HHIP: variants seen among roughly 807,000 people sequenced by gnomAD.
HHIP encodes the protein hedgehog interacting protein.
In HHIP, 12 loss-of-function variants were observed where a neutral mutation model predicts 74.0. The ratio of observed to expected loss-of-function variants is 0.16; its 90% CI spans 0.10 to 0.26. The LOEUF is 0.26. Ranked by LOEUF, HHIP falls within the 10% of genes least tolerant of loss-of-function variation. HHIP has a pLI of 1.00. For missense variants in HHIP, 788 were observed against 845.0 expected, an observed-to-expected ratio of 0.93 and a Z score of 0.84; for synonymous variants, 309 against 311.6, an observed-to-expected ratio of 0.99 and a Z score of 0.09.
rs1048264934 is a variant in HHIP at position 144,743,338 on chromosome 4, C to T, written c.*5381C>T. On this transcript the variant is annotated 3_prime_UTR_variant, in exon 13 of 13. Transcript: ENST00000296575. ...GAACCTAAGGCATACCCATCATTTA[C>T]CTTGATTCCCATATAATTTGTATAA... 6 of 151,514 alleles carry T rather than the reference C, an allele frequency of 4.0e-5. No homozygotes were observed. The highest frequency in any genetic ancestry group is 1.5e-4 in the African/African-American group (6 of 41,266). The allele number at this position is 151,514 out of a possible 1,614,324, so 9.4% of individuals were successfully genotyped here.
chr4:144,701,231 G>C (rs1042759287), intron 4 of HHIP, among the ~76,000 whole-genome samples: 8 of 151,854 alleles, frequency 5.3e-5, no homozygotes, highest in African/African-American at 1.9e-4. Flanking sequence ...CTTGTGTCAT[G>C]TACATAAAAT....
chr4:144,734,835 C>T lies in HHIP; in HGVS notation c.1855C>T (p.Pro619Ser), dbSNP rs34017247. 13 of 1,612,854 alleles carry T rather than the reference C, an allele frequency of 8.1e-6. No homozygotes were observed. The highest frequency in any genetic ancestry group is 1.0e-5 in the Non-Finnish European group (12 of 1,179,068). The part of the protein sequence containing the change: ...SRLCRNGYCT[P>S]TGKCCCSPGW... ...GCTCTGTCGAAACGGCTACTGCACC[C>T]CCACGGGAAAGTGCTGCTGCAGTCC... Residue 619 changes from proline to serine, a missense_variant, in exon 12 of 13, where the codon CCC becomes TCC. Pro to Ser is a moderately conservative substitution (Grantham distance 74). Coordinates refer to ENST00000296575, the MANE Select transcript of HHIP (RefSeq NM_022475.3).
chr4:144,737,524 C>T (rs189804983), intron 12 of HHIP, among the ~76,000 whole-genome samples: 10 of 152,356 alleles, frequency 6.6e-5, no homozygotes, highest in Admixed American at 2.0e-4. Flanking sequence ...AATTGTTTCT[C>T]ATGATCTCTG....
chr4:144,650,946 T>C (rs1176228073), intron 1 of HHIP: 1 of 152,072 alleles, frequency 6.6e-6, no homozygotes, highest in African/African-American at 2.4e-5. Context: ...ATAATCTCCA[T>C]AAAACCAAAG....
intron 11 of HHIP, 66 bp downstream of exon 11, chr4:144,719,022 A>G: frequency 1.0e-6 from 1 of 957,928 alleles, no homozygotes; most frequent in Non-Finnish European, 1.7e-6. Context: ...AGTTCATTCA[A>G]TTAATGATAG....
At chr4:144,673,936 G>A (rs906284324) in intron 4 of HHIP, among the ~76,000 whole-genome samples, 6 of 152,188 alleles carry the variant, frequency 3.9e-5, no homozygotes, top group African/African-American at 1.4e-4. Flanking sequence ...ATCTATGGAA[G>A]TTAATTTGGT....
Position 144,646,941 on chromosome 4 carries a change from G to A in HHIP, c.266G>A (p.Arg89His). The change falls in exon 1 of 13, where the codon CGC (arginine) becomes CAC (histidine). Residue 89 changes from arginine (R) to histidine (H), a missense_variant. This residue lies in a region of HHIP where 373 missense variants were observed against 366.4 expected (regional missense o/e 1.02). Transcript: ENST00000296575. ...CGGAGTGACAGCCCGGGGCTAGGGC[G>A]CCTGGAGAATAAGGTAGGCACTCAC... Reference protein sequence around the residue: ...CLRSDSPGLGRLENKIFSVTN... With the variant: ...CLRSDSPGLGHLENKIFSVTN... The A allele has an allele frequency of 6.2e-7, 1 of 1,609,038 alleles. No individual in the cohort carries two copies. Among genetic ancestry groups the A allele is most frequent in the East Asian group, 2.2e-5 (1 of 44,818 alleles).
At chr4:144,655,218 C>T (rs1314165375) in intron 2 of HHIP, among the ~76,000 whole-genome samples, 1 of 152,134 alleles carries the variant, frequency 6.6e-6, no homozygotes, top group Non-Finnish European at 1.5e-5. Flanking sequence ...TGAGTATATA[C>T]TAGAGTTTTA....
At position 144,670,785 on chromosome 4, in the gene HHIP, A is replaced by G. The variant is rs200638324; in HGVS notation, c.831+10947A>G. Among the ~76,000 whole-genome samples, 760 of 138,988 alleles carry G rather than the reference A, an allele frequency of 5.5e-3. 4 individuals carry two copies. Among genetic ancestry groups the G allele is most frequent in the African/African-American group, 0.012 (468 of 37,964 alleles). 91.2% of individuals were successfully genotyped at this position (138,988 alleles called of 152,430 possible). ...ATTTGAAAAAAAAAAAAAAAAAAAA[A>G]AAAGAAAGAAAGAAAGTGCTAGTCT... On this transcript the variant is annotated intron_variant, in intron 4 of 12. Transcript: ENST00000296575.
At position 144,706,624 on chromosome 4, in the gene HHIP, C is replaced by T. The variant is rs149455320; in HGVS notation, c.925C>T (p.Arg309Trp). The T allele has an allele frequency of 5.0e-6, 8 of 1,613,708 alleles. No homozygotes were observed. The highest frequency in any genetic ancestry group is 2.7e-5 in the African/African-American group (2 of 75,038). The change falls in exon 5 of 13, where the codon CGG becomes TGG. Residue 309 changes from arginine to tryptophan, a missense_variant. Physicochemically the swap from Arg to Trp is moderately radical, Grantham distance 101. This residue lies in a region of HHIP where 373 missense variants were observed against 366.4 expected (regional missense o/e 1.02). Transcript: ENST00000296575. ...LYVSYTTNQE[R>W]WAIGPHDHIL... ...TGTGTCCTATACCACCAACCAAGAA[C>T]GGTGGGCTATCGGGCCTCATGACCA... is the stretch of plus-strand genomic sequence containing the variant.
chr4:144,658,695 T>A, intron 2 of HHIP, 95 bp from the exon 3 acceptor site: 1 of 1,008,876 alleles, frequency 9.9e-7, no homozygotes, highest in South Asian at 1.7e-5. Flanking sequence ...CCACCTAGTT[T>A]CCCAAAATTC....
intron 11 of HHIP, among the ~76,000 whole-genome samples, chr4:144,728,700 T>C (rs528014927): frequency 6.6e-6 from 1 of 152,326 alleles, no homozygotes; most frequent in South Asian, 2.1e-4. Flanking sequence ...GTACTTCAGA[T>C]AGTACTTGAA....
Position 144,646,874 on chromosome 4 carries a change from A to G in HHIP, c.199A>G (p.Met67Val), listed in dbSNP as rs764282460. The G allele has an allele frequency of 6.2e-7, 1 of 1,614,188 alleles. No homozygotes were observed. Among genetic ancestry groups the G allele is most frequent in the Non-Finnish European group, 8.5e-7 (1 of 1,180,018 alleles). The change falls in exon 1 of 13, where the codon ATG (methionine) becomes GTG (valine). Residue 67 changes from methionine (M) to valine (V), a missense_variant. Met to Val is a conservative substitution (Grantham distance 21). Around this residue, in one of 3 missense-constraint regions of HHIP, gnomAD observed 373 missense variants for 366.4 expected, o/e 1.02. Coordinates refer to ENST00000296575, the MANE Select transcript of HHIP (RefSeq NM_022475.3). The part of the protein sequence containing the change: ...SQLELLSGGE[M>V]LCGGFYPRLS... ...GCTGGAGCTGCTGAGTGGGGGAGAGATGCTGTGCGGTGGCTTCTACCCTCG... is the reference window on the plus strand; with the variant it reads ...GCTGGAGCTGCTGAGTGGGGGAGAGGTGCTGTGCGGTGGCTTCTACCCTCG...
chr4:144,714,207 T>A lies in HHIP; in HGVS notation c.1424-18T>A. The A allele has an allele frequency of 6.2e-7, 1 of 1,606,064 alleles. No individual in the cohort carries two copies. The highest frequency in any genetic ancestry group is 8.5e-7 in the Non-Finnish European group (1 of 1,173,084). On this transcript the variant is annotated intron_variant, in intron 8 of 12. Coordinates refer to ENST00000296575, the MANE Select transcript of HHIP (RefSeq NM_022475.3). The stretch of plus-strand genomic sequence containing the variant: ...TGAAAATATGTTTCATTTGATCTAA[T>A]GCTATGTTTCTTTCCAGAAAGTGAG...
chr4:144,692,420 T>C (rs2126636148), intron 4 of HHIP, among the ~76,000 whole-genome samples: 1 of 152,306 alleles, frequency 6.6e-6, no homozygotes, highest in South Asian at 2.1e-4. Context: ...TCCCGAAGAA[T>C]CATACTCATT....
chr4:144,715,127 A>T (rs1730409059), intron 9 of HHIP, 173 bp from the exon 10 acceptor site: 1 of 539,774 alleles, frequency 1.9e-6, no homozygotes. Context: ...CTTTCTCCGC[A>T]TATGGGAATT....
chr4:144,693,181 A>G (rs965278279), intron 4 of HHIP, among the ~76,000 whole-genome samples: 3 of 152,092 alleles, frequency 2.0e-5, no homozygotes, highest in Middle Eastern at 6.3e-3. Flanking sequence ...ATCAGGAACT[A>G]ATCTCTGCAT....
At chr4:144,714,544 C>T (rs1730395212) in intron 9 of HHIP, among the ~76,000 whole-genome samples, 196 bp downstream of exon 9, 1 of 152,158 alleles carries the variant, frequency 6.6e-6, no homozygotes, top group South Asian at 2.1e-4. Flanking sequence ...GCTCTCTCAA[C>T]AGGCTTGATA....
In HHIP at chr4:144,738,306, T is replaced by C; in HGVS notation, c.*349T>C. 1.0e-6 allele frequency: 1 copy of C among 980,944 alleles called. No homozygotes were observed. Among genetic ancestry groups the C allele is most frequent in the South Asian group, 4.7e-5 (1 of 21,186 alleles). The allele number at this position is 980,944 out of a possible 1,614,324, so 60.8% of individuals were successfully genotyped here. A position where few individuals can be genotyped will look rare whatever the true frequency, so the allele number is the denominator to read the frequency against. ...TATTTGACTTCCCAGGAATTTTCTG[T>C]CTGTAATCACTAAAGTCAACTTTAA... On this transcript the variant is annotated 3_prime_UTR_variant, in exon 13 of 13. Coordinates refer to ENST00000296575, the MANE Select transcript of HHIP (RefSeq NM_022475.3).
Sources: allele counts gnomAD v4.1 joint callset (sites outside exome capture counted in the v4.1 genomes callset), GRCh38; gene constraint gnomAD v4.1.1; regional missense constraint gnomAD v4.1.1; transcripts MANE v1.5; gene names NCBI Gene and HGNC (gene_info 2026-07-23, HGNC 2026-07-21).